The following RNF220 variants were observed in gnomAD, a reference collection of about 807,000 sequenced individuals.
RNF220 encodes the protein ring finger protein 220.
In RNF220, 7 loss-of-function variants were observed where a neutral mutation model predicts 67.1. That is an observed-to-expected ratio of 0.10 (90% CI 0.06 to 0.20). RNF220 has a LOEUF of 0.20. Ranked by LOEUF, RNF220 falls within the 10% of genes least tolerant of loss-of-function variation. The probability of loss-of-function intolerance (pLI) is 1.00; values close to 1 mark genes in which losing one functional copy is unlikely to be tolerated. For missense variants in RNF220, 565 were observed against 740.3 expected (o/e 0.76, Z 2.75); for synonymous variants, 270 against 283.2 (o/e 0.95, Z 0.47).
chr1:44,649,306 T>G lies in RNF220; in HGVS notation c.1446-355T>G. On this transcript the variant is annotated intron_variant, in intron 12 of 14. Transcript: ENST00000361799. The surrounding 1 kb of genome is among the most constrained non-coding windows in gnomAD (Gnocchi z 5.9). ...AAGGCTGTCTGGAAAAAGTTAGTGG[T>G]GGAATTGGTGGAAGACATCTGAGAG... The G allele has an allele frequency of 3.5e-6, 1 of 282,024 alleles. No homozygotes were observed. Among genetic ancestry groups the G allele is most frequent in the Non-Finnish European group, 6.8e-6 (1 of 147,222 alleles). 17.5% of individuals were successfully genotyped at this position (282,024 alleles called of 1,614,324 possible). A position where few individuals can be genotyped will look rare whatever the true frequency, so the allele number is the denominator to read the frequency against.
intron 2 of RNF220, among the ~76,000 whole-genome samples, chr1:44,528,325 G>A (rs1447212681): frequency 6.6e-6 from 1 of 151,004 alleles, no homozygotes; most frequent in African/African-American, 2.4e-5. Flanking sequence ...TTTTGAGACG[G>A]AGTCTCACTC....
intron 2 of RNF220, among the ~76,000 whole-genome samples, chr1:44,463,502 A>T (rs1230230940): frequency 1.3e-5 from 2 of 151,190 alleles, no homozygotes; most frequent in African/African-American, 4.8e-5. Context: ...ATAAATACTC[A>T]CTTTTGAACC....
chr1:44,529,348 TAC>T (rs143407827), intron 2 of RNF220, among the ~76,000 whole-genome samples: 19 of 149,906 alleles, frequency 1.3e-4, no homozygotes, highest in South Asian at 2.1e-4. Context: ...AAAAAGGAAT[TAC>T]ACACACACAC....
At chr1:44,584,861 G>T (rs763121979) in intron 2 of RNF220, among the ~76,000 whole-genome samples, 11 of 152,154 alleles carry the variant, frequency 7.2e-5, no homozygotes, top group Admixed American at 1.3e-4. Flanking sequence ...GCCACGCCTG[G>T]CTACTTTTTG....
chr1:44,445,116 A>G (rs1293332585), intron 2 of RNF220, among the ~76,000 whole-genome samples: 1 of 152,200 alleles, frequency 6.6e-6, no homozygotes, highest in Non-Finnish European at 1.5e-5. Flanking sequence ...CTGATAAGCT[A>G]GAGCACCTTT....
intron 2 of RNF220, among the ~76,000 whole-genome samples, chr1:44,440,906 G>A (rs1472990121): frequency 6.6e-6 from 1 of 152,162 alleles, no homozygotes; most frequent in East Asian, 1.9e-4. Flanking sequence ...GTGCTCCAGA[G>A]GCCTTGACAT....
chr1:44,426,462 C>T (rs745709582), intron 2 of RNF220, among the ~76,000 whole-genome samples: 19 of 152,290 alleles, frequency 1.2e-4, no homozygotes, highest in Non-Finnish European at 2.1e-4. Context: ...TGTGGTGGCT[C>T]ACGCCTGTAA....
chr1:44,591,944 C>T (rs1396462270), intron 2 of RNF220, among the ~76,000 whole-genome samples: 3 of 152,212 alleles, frequency 2.0e-5, no homozygotes, highest in Non-Finnish European at 4.4e-5. Context: ...CTCCTCACTT[C>T]ATCCTCACAG....
chr1:44,609,114 T>C lies in RNF220; in HGVS notation c.626-5051T>C, dbSNP rs546861230. 3.4e-4 allele frequency among the ~76,000 whole-genome samples: 52 copies of C among 152,250 alleles called. 1 individual carries two copies. The highest frequency in any genetic ancestry group is 1.4e-3 in the East Asian group (7 of 5,170). On this transcript the variant is annotated intron_variant, in intron 2 of 14. Coordinates refer to ENST00000361799, the MANE Select transcript of RNF220 (RefSeq NM_018150.4). ...TTGAATTCTGCTTGAAGTTCCTGTT[T>C]CTTGGTCACTAGGAAATGGAAGTCT...
rs61312232 is a variant in RNF220, at chr1:44,482,875, C to T, written c.625+70153C>T. Among the ~76,000 whole-genome samples, 12 of 149,820 alleles carry T rather than the reference C, an allele frequency of 8.0e-5. 1 individual carries two copies. In the East Asian group the frequency reaches 2.2e-3, roughly 27 times the overall value. On this transcript the variant is annotated intron_variant, in intron 2 of 14. Coordinates refer to ENST00000361799, the MANE Select transcript of RNF220 (RefSeq NM_018150.4). ...ACCTCAAGTGATCTACCTGCCTCGGCCTTCCAAAGTGCTGGGATTGTAAGA... is the reference window on the plus strand; with the variant it reads ...ACCTCAAGTGATCTACCTGCCTCGGTCTTCCAAAGTGCTGGGATTGTAAGA...
At chr1:44,583,053 T>C (rs1665427895) in intron 2 of RNF220, among the ~76,000 whole-genome samples, 1 of 152,104 alleles carries the variant, frequency 6.6e-6, no homozygotes, top group South Asian at 2.1e-4. Flanking sequence ...CTCAAGTCAC[T>C]GTCCGTGGAG....
rs1643830542 is a variant in RNF220 at position 44,622,294 on chromosome 1, T to G, written c.759-448T>G. Among the ~76,000 whole-genome samples, 1 of 152,216 alleles carries G rather than the reference T, an allele frequency of 6.6e-6. No individual in the cohort carries two copies. The highest frequency in any genetic ancestry group is 2.4e-5 in the African/African-American group (1 of 41,460). On this transcript the variant is annotated intron_variant, in intron 3 of 14. Transcript: ENST00000361799. This position sits in a 1 kb window ranked among gnomAD's most constrained non-coding sequence, Gnocchi z 4.3. The stretch of plus-strand genomic sequence containing the variant: ...AATTGAATCAGGGGGAGATCATTCC[T>G]GGCCTAACACAGTTTGCAGCATGTT...
intron 2 of RNF220, among the ~76,000 whole-genome samples, chr1:44,523,755 A>G (rs1235471235): frequency 1.3e-5 from 2 of 152,210 alleles, no homozygotes; most frequent in African/African-American, 2.4e-5. Flanking sequence ...CGCCTCTGCT[A>G]TCCCCCAGGG....
At chr1:44,561,474 A>G (rs2915538) in intron 2 of RNF220, among the ~76,000 whole-genome samples, 151,483 of 152,328 alleles carry the variant, frequency 0.99, 75,324 homozygotes, top group Middle Eastern at 1. Context: ...GCGCCACTGC[A>G]CTCCAGCCTG....
At chr1:44,464,401 A>ATCTTTT (rs1177425487) in intron 2 of RNF220, among the ~76,000 whole-genome samples, 1 of 152,206 alleles carries the variant, frequency 6.6e-6, no homozygotes, top group Admixed American at 6.5e-5. Flanking sequence ...TTGCATGTGC[A>ATCTTTT]TCTTTTTCTT....
At chr1:44,466,090 A>G (rs1466710013) in intron 2 of RNF220, among the ~76,000 whole-genome samples, 1 of 152,132 alleles carries the variant, frequency 6.6e-6, no homozygotes, top group Admixed American at 6.5e-5. Context: ...AGTCCTCTCA[A>G]TCTCTGCCAC....
intron 2 of RNF220, among the ~76,000 whole-genome samples, chr1:44,438,348 C>A (rs1001947868): frequency 2.0e-5 from 3 of 152,170 alleles, no homozygotes; most frequent in African/African-American, 7.2e-5. Flanking sequence ...GTCTCAAACT[C>A]CTGGGCTCAA....
At chr1:44,612,525 G>A (rs1163392031) in intron 2 of RNF220, among the ~76,000 whole-genome samples, 2 of 152,176 alleles carry the variant, frequency 1.3e-5, no homozygotes, top group Non-Finnish European at 2.9e-5. Flanking sequence ...CTCTATCTGG[G>A]CATCCAAGGG....
At chr1:44,464,624 C>T (rs1007177171) in intron 2 of RNF220, among the ~76,000 whole-genome samples, 1 of 152,142 alleles carries the variant, frequency 6.6e-6, no homozygotes, top group African/African-American at 2.4e-5. Context: ...ATTTGATGAG[C>T]TAATATGCCA....
Sources: gnomAD v4.1 joint callset for allele counts (sites outside exome capture counted in the v4.1 genomes callset) on GRCh38, gnomAD v4.1.1 for gene constraint, Gnocchi (gnomAD v3.1) non-coding constraint, MANE v1.5 for transcripts, NCBI Gene and HGNC (gene_info 2026-07-23, HGNC 2026-07-21) for gene names.